PCNX2: variants seen among roughly 807,000 people sequenced by gnomAD.
The protein encoded by PCNX2 is pecanex 2, also known as pecanex-like protein 2.
Under a neutral mutation model 223.8 loss-of-function variants are expected in PCNX2, and 168 were observed. The ratio of observed to expected loss-of-function variants is 0.75; its 90% CI spans 0.66 to 0.85. PCNX2 has a LOEUF of 0.85. Ranked by LOEUF, PCNX2 falls within the 40% of genes least tolerant of loss-of-function variation. The pLI is 0.00. For missense variants in PCNX2, 2,507 were observed against 2,675.5 expected, an observed-to-expected ratio of 0.94 and a Z score of 1.39; for synonymous variants, 1,006 against 1,052.6, an observed-to-expected ratio of 0.96 and a Z score of 0.86.
At chr1:233,227,447 T>A in intron 9 of PCNX2, 76 bp from the exon 10 acceptor site, 1 of 1,338,058 alleles carries the variant, frequency 7.5e-7, no homozygotes, top group Non-Finnish European at 1.0e-6. Flanking sequence ...TATATATATA[T>A]GTATACACAC....
intron 21 of PCNX2, among the ~76,000 whole-genome samples, chr1:233,106,412 A>T (rs1296177624): frequency 1.5e-5 from 2 of 129,556 alleles, no homozygotes; most frequent in Admixed American, 1.9e-4. Context: ...GAATGCAGTG[A>T]TGCAATCTTG....
intron 32 of PCNX2, among the ~76,000 whole-genome samples, chr1:232,987,881 T>C (rs1468940046): frequency 2.0e-5 from 3 of 152,182 alleles, no homozygotes; most frequent in Non-Finnish European, 4.4e-5. Flanking sequence ...TGCTCCCATC[T>C]CACTTTCTCC....
chr1:233,117,711 C>T (rs1346403658), intron 21 of PCNX2, among the ~76,000 whole-genome samples: 2 of 151,158 alleles, frequency 1.3e-5, no homozygotes, highest in Admixed American at 1.3e-4. Context: ...CATTCATAAA[C>T]AATTAAGAAG....
At chr1:233,003,840 ATGTCCTT>A (rs1226839562) in intron 28 of PCNX2, among the ~76,000 whole-genome samples, 1 of 152,236 alleles carries the variant, frequency 6.6e-6, no homozygotes, top group Non-Finnish European at 1.5e-5. Context: ...GGATGAGTTC[ATGTCCTT>A]TGCAGGGACA....
Position 233,144,239 on chromosome 1 carries a change from T to C in PCNX2, c.3518-4384A>G, listed in dbSNP as rs1677295659. Among the ~76,000 whole-genome samples the C allele has an allele frequency of 3.9e-5, 6 of 152,306 alleles. 1 individual carries two copies. The South Asian group carries it at 1.2e-3, about 32-fold the overall frequency. ...TACATTTTCTTTCAGATGCTGGTTA[T>C]TTTCCAGGCACTACCCGGAAAATAT... is the stretch of plus-strand genomic sequence containing the variant. On this transcript the variant is annotated intron_variant, in intron 19 of 33. Transcript: ENST00000258229.
intron 23 of PCNX2, among the ~76,000 whole-genome samples, chr1:233,073,202 A>G (rs1672933776): frequency 6.6e-6 from 1 of 152,144 alleles, no homozygotes; most frequent in South Asian, 2.1e-4. Context: ...ATTCTCTTAT[A>G]GTTCCTTTTA....
rs2102775132 is a variant in PCNX2 at position 233,139,341 on chromosome 1, A to C, written c.3659+373T>G. On this transcript the variant is annotated intron_variant, in intron 20 of 33. Coordinates refer to ENST00000258229, the MANE Select transcript of PCNX2 (RefSeq NM_014801.4). This position sits in a 1 kb window ranked among gnomAD's most constrained non-coding sequence, Gnocchi z 4.4. ...AGCACAAAATGATAGAGTATTTGCT[A>C]AATGAAATGACATGAAGCAGTTCAT... Among the ~76,000 whole-genome samples, 1 of 152,308 alleles carries C rather than the reference A, an allele frequency of 6.6e-6. No individual in the cohort carries two copies. Among genetic ancestry groups the C allele is most frequent in the East Asian group, 1.9e-4 (1 of 5,182 alleles).
chr1:233,054,365 G>A lies in PCNX2; in HGVS notation c.4254C>T (p.Cys1418=), dbSNP rs1558190600. ...TGAGGTCATCTGAAGCCAAAATAAA[G>A]CAATCGCCAGAGCTGTAGTTGCCCC... ...GRWGNYSSGD[C]FILASDDLNA... is the part of the protein sequence containing the mutation. Residue 1418 remains cysteine, a synonymous_variant, in exon 25 of 34, where the codon TGC becomes TGT. Coordinates refer to ENST00000258229, the MANE Select transcript of PCNX2 (RefSeq NM_014801.4). 6.2e-7 allele frequency: 1 copy of A among 1,613,878 alleles called. No homozygotes were observed.
At chr1:233,160,516 G>T in intron 18 of PCNX2, 83 bp from the exon 19 acceptor site, 1 of 1,417,722 alleles carries the variant, frequency 7.1e-7, no homozygotes. Context: ...TAACATCACT[G>T]TCCTTCCACT....
chr1:233,156,299 C>T (rs1558290772), intron 19 of PCNX2, among the ~76,000 whole-genome samples: 2 of 152,134 alleles, frequency 1.3e-5, no homozygotes, highest in Non-Finnish European at 2.9e-5. Context: ...CACATTCTAC[C>T]AAGTAGAAGT....
chr1:233,291,146 G>C (rs1159660715), intron 1 of PCNX2: 2 of 954,680 alleles, frequency 2.1e-6, no homozygotes, highest in Non-Finnish European at 2.5e-6. Flanking sequence ...CAGGACCTCA[G>C]CTAAATGCTG....
intron 25 of PCNX2, among the ~76,000 whole-genome samples, chr1:233,045,694 T>C (rs1174559908): frequency 6.6e-6 from 1 of 152,160 alleles, no homozygotes; most frequent in Non-Finnish European, 1.5e-5. Flanking sequence ...CATCAGACAT[T>C]GACTAATGAG....
chr1:233,206,839 C>T (rs1489914154), intron 13 of PCNX2, among the ~76,000 whole-genome samples: 3 of 151,806 alleles, frequency 2.0e-5, no homozygotes, highest in South Asian at 2.1e-4. Context: ...GGTGAAACCC[C>T]GTCTCTACTA....
At chr1:233,143,554 G>C (rs1677250519) in intron 19 of PCNX2, among the ~76,000 whole-genome samples, 1 of 152,146 alleles carries the variant, frequency 6.6e-6, no homozygotes. Context: ...CAGAAATTCT[G>C]CGGATTGGGC....
At chr1:233,180,014 A>G (rs1423635873) in intron 15 of PCNX2, among the ~76,000 whole-genome samples, 3 of 152,236 alleles carry the variant, frequency 2.0e-5, no homozygotes, top group African/African-American at 7.2e-5. Flanking sequence ...TGTGTAAGGG[A>G]TAAATATGTC....
chr1:233,314,743 TA>T, the PCNX2 span, among the ~76,000 whole-genome samples: 132 of 146,670 alleles, frequency 9.0e-4, no homozygotes, highest in East Asian at 0.011. Flanking sequence ...GGCTTTTATT[TA>T]AAAAAAAAAA....
intron 15 of PCNX2, among the ~76,000 whole-genome samples, chr1:233,185,084 AACAC>A (rs60719299): frequency 0.13 from 18,936 of 141,566 alleles, 1,403 homozygotes; most frequent in East Asian, 0.27. Flanking sequence ...TACATACATA[AACAC>A]ACACACACAC....
At chr1:233,151,086 C>T (rs1286566679) in intron 19 of PCNX2, among the ~76,000 whole-genome samples, 2 of 152,156 alleles carry the variant, frequency 1.3e-5, no homozygotes, top group Non-Finnish European at 1.5e-5. Flanking sequence ...TTTGCATCCT[C>T]AACGCCCAGA....
intron 23 of PCNX2, among the ~76,000 whole-genome samples, chr1:233,074,323 G>A (rs1289884252): frequency 3.9e-5 from 6 of 152,054 alleles, no homozygotes; most frequent in African/African-American, 7.2e-5. Flanking sequence ...GGCCGGGCGC[G>A]GTGGCTCACG....
Sources: gnomAD v4.1 joint callset for allele counts (sites outside exome capture counted in the v4.1 genomes callset) on GRCh38, gnomAD v4.1.1 for gene constraint, Gnocchi (gnomAD v3.1) non-coding constraint, MANE v1.5 for transcripts, NCBI Gene and HGNC (gene_info 2026-07-23, HGNC 2026-07-21) for gene names.